The following ABI3BP variants were observed in gnomAD, a reference collection of about 807,000 sequenced individuals.
ABI3BP encodes ABI family member 3 binding protein.
In ABI3BP, 216 loss-of-function variants were observed where a neutral mutation model predicts 268.6. The observed-to-expected ratio is 0.80, with a 90% CI of 0.72 to 0.90. ABI3BP has a LOEUF of 0.90. Among genes scored for constraint, ABI3BP ranks in the 40% least tolerant of loss-of-function variants. The pLI is 0.00. For missense variants in ABI3BP, 2,090 were observed against 2,182.4 expected, an observed-to-expected ratio of 0.96 and a Z score of 0.84; for synonymous variants, 730 against 730.0, an observed-to-expected ratio of 1.00 and a Z score of 0.00.
chr3:100,856,600 C>T (rs2098942719), intron 14 of ABI3BP, among the ~76,000 whole-genome samples: 1 of 152,154 alleles, frequency 6.6e-6, no homozygotes, highest in Admixed American at 6.5e-5. Flanking sequence ...GGAGGATTTC[C>T]TAAGGATGAA....
intron 10 of ABI3BP, 99 bp downstream of exon 10, chr3:100,866,780 T>C: frequency 1.0e-6 from 1 of 990,546 alleles, no homozygotes; most frequent in Non-Finnish European, 1.5e-6. Flanking sequence ...TCAAAATGTA[T>C]TTCCTACTGG....
intron 10 of ABI3BP, among the ~76,000 whole-genome samples, chr3:100,865,387 C>T (rs1028845701): frequency 2.0e-5 from 3 of 152,166 alleles, no homozygotes; most frequent in African/African-American, 7.2e-5. Context: ...TAAGACTTCT[C>T]TCTTACACTG....
At position 100,887,935 on chromosome 3, in the gene ABI3BP, A is replaced by G. The variant is rs866594094; in HGVS notation, c.462-1612T>C. ...CAAAAGTTATTAGGAATCTTAAGACAGTGACAGCAGAGCATTAAACCAAAT... is the reference window on the plus strand; with the variant it reads ...CAAAAGTTATTAGGAATCTTAAGACGGTGACAGCAGAGCATTAAACCAAAT... On this transcript the variant is annotated intron_variant, in intron 4 of 67. Coordinates refer to ENST00000471714, the MANE Select transcript of ABI3BP (RefSeq NM_001375547.2). Among the ~76,000 whole-genome samples, 8 of 152,236 alleles carry G rather than the reference A, an allele frequency of 5.3e-5. 1 individual carries two copies. In the Middle Eastern group the frequency reaches 0.01, roughly 194 times the overall value.
intron 1 of ABI3BP, among the ~76,000 whole-genome samples, chr3:100,981,896 G>T (rs1012938623): frequency 6.6e-6 from 1 of 152,180 alleles, no homozygotes; most frequent in South Asian, 2.1e-4. Flanking sequence ...GGAGTATCTA[G>T]ATCTTTCCAT....
At chr3:100,897,191 C>A (rs1011976034) in intron 4 of ABI3BP, among the ~76,000 whole-genome samples, 1 of 152,130 alleles carries the variant, frequency 6.6e-6, no homozygotes, top group African/African-American at 2.4e-5. Flanking sequence ...AAGATGCTGA[C>A]AACACAAAAT....
At chr3:100,935,494 G>GT (rs2065655920) in intron 1 of ABI3BP, among the ~76,000 whole-genome samples, 1 of 152,078 alleles carries the variant, frequency 6.6e-6, no homozygotes, top group Non-Finnish European at 1.5e-5. Flanking sequence ...ATTGAAAGTA[G>GT]TTTTTTCCAA....
intron 51 of ABI3BP, among the ~76,000 whole-genome samples, chr3:100,804,409 A>C (rs10511185): frequency 6.6e-6 from 1 of 152,126 alleles, no homozygotes; most frequent in African/African-American, 2.4e-5. Flanking sequence ...ATGGCTAAAC[A>C]TCATTGCCTC....
At chr3:100,979,460 A>C (rs1273438631) in intron 1 of ABI3BP, among the ~76,000 whole-genome samples, 2 of 152,214 alleles carry the variant, frequency 1.3e-5, no homozygotes, top group Non-Finnish European at 2.9e-5. Context: ...AAGTCCCTAG[A>C]AAGAGATATC....
chr3:100,835,226 T>C (rs915163544), intron 28 of ABI3BP, among the ~76,000 whole-genome samples: 3 of 152,232 alleles, frequency 2.0e-5, no homozygotes, highest in Non-Finnish European at 4.4e-5. Flanking sequence ...TCTGTATATC[T>C]TAAAACAACA....
At chr3:100,862,264 A>G in intron 14 of ABI3BP, 47 bp downstream of exon 14, 2 of 1,262,176 alleles carry the variant, frequency 1.6e-6, no homozygotes, top group Non-Finnish European at 2.2e-6. Context: ...TAAGTTACTC[A>G]ATATTCCTTG....
Position 100,964,198 on chromosome 3 carries a change from T to C in ABI3BP, c.79+29108A>G, listed in dbSNP as rs2080338621. On this transcript the variant is annotated intron_variant, in intron 1 of 67. Coordinates refer to ENST00000471714, the MANE Select transcript of ABI3BP (RefSeq NM_001375547.2). ...GTCTAGACATGTTCAAGATGGCGGC[T>C]CCATCTTCCCTTTCTTTGTCAGCCA... 3.3e-5 allele frequency among the ~76,000 whole-genome samples: 5 copies of C among 152,226 alleles called. No individual in the cohort carries two copies. In the South Asian group the frequency reaches 1.0e-3, roughly 32 times the overall value.
At position 100,818,534 on chromosome 3, in the gene ABI3BP, T is replaced by C. The variant is rs777153123; in HGVS notation, c.3079A>G (p.Lys1027Glu). The C allele has an allele frequency of 1.1e-5, 17 of 1,535,192 alleles. No homozygotes were observed. The change falls in exon 41 of 68, where the codon AAA (lysine) becomes GAA (glutamate). Residue 1027 changes from lysine (K) to glutamate (E), a missense_variant. Coordinates refer to ENST00000471714, the MANE Select transcript of ABI3BP (RefSeq NM_001375547.2). ...CACACATTCTCATTACCCATGGTTT[T>C]TGGAGCTTCAGTTCTGAGAGTACCA... ...EPGTLRTEAP[K>E]TMVVTTVLEP...
chr3:100,803,438 A>G lies in ABI3BP; in HGVS notation c.3757+1354T>C. Among the ~76,000 whole-genome samples, 2 of 145,210 alleles carry G rather than the reference A, an allele frequency of 1.4e-5. 1 individual carries two copies. Among genetic ancestry groups the G allele is most frequent in the Non-Finnish European group, 3.1e-5 (2 of 64,056 alleles). Reference sequence around the variant, plus strand: ...TAACAGAGAAGATTTTAAAATATATACCTTAAAAATAATTTTATGATAGTA... The same window carrying G: ...TAACAGAGAAGATTTTAAAATATATGCCTTAAAAATAATTTTATGATAGTA... On this transcript the variant is annotated intron_variant, in intron 51 of 67. Coordinates refer to ENST00000471714, the MANE Select transcript of ABI3BP (RefSeq NM_001375547.2).
intron 35 of ABI3BP, 83 bp downstream of exon 35, chr3:100,825,702 G>T: frequency 1.9e-6 from 2 of 1,069,124 alleles, no homozygotes; most frequent in Non-Finnish European, 1.4e-6. Context: ...GACATGCCAT[G>T]TTATAGGGAT....
intron 63 of ABI3BP, among the ~76,000 whole-genome samples, chr3:100,760,621 C>A (rs539508790): frequency 1.3e-5 from 2 of 152,244 alleles, no homozygotes; most frequent in South Asian, 2.1e-4. Flanking sequence ...AGAATTATAT[C>A]ATTTTAGAGC....
At chr3:100,912,361 A>G (rs2153565041) in intron 2 of ABI3BP, among the ~76,000 whole-genome samples, 1 of 151,392 alleles carries the variant, frequency 6.6e-6, no homozygotes, top group Non-Finnish European at 1.5e-5. Context: ...CCATAAGTAT[A>G]AAACAAAAAC....
intron 1 of ABI3BP, among the ~76,000 whole-genome samples, chr3:100,976,782 T>A (rs2086422969): frequency 6.6e-6 from 1 of 152,128 alleles, no homozygotes; most frequent in Non-Finnish European, 1.5e-5. Context: ...GGGATGTAGG[T>A]CAGCTACGGG....
At chr3:100,815,323 T>A (rs954988543) in intron 44 of ABI3BP, among the ~76,000 whole-genome samples, 1 of 152,070 alleles carries the variant, frequency 6.6e-6, no homozygotes, top group Non-Finnish European at 1.5e-5. Flanking sequence ...AAATCACATA[T>A]GAAGTGATTA....
chr3:100,789,315 A>G (rs917148104), intron 56 of ABI3BP, 139 bp downstream of exon 56: 1 of 701,344 alleles, frequency 1.4e-6, no homozygotes, highest in Admixed American at 3.0e-5. Context: ...ATACCTTTCC[A>G]CTTATCCACA....
Sources: gnomAD v4.1 joint callset for allele counts (sites outside exome capture counted in the v4.1 genomes callset) on GRCh38, gnomAD v4.1.1 for gene constraint, MANE v1.5 for transcripts, NCBI Gene and HGNC (gene_info 2026-07-23, HGNC 2026-07-21) for gene names.